RPP38: variants seen among roughly 807,000 people sequenced by gnomAD.
RPP38 encodes the protein ribonuclease P/MRP subunit p38.
In RPP38, 2 loss-of-function variants were observed where a neutral mutation model predicts 1.7. The observed-to-expected ratio is 1.18, with a 90% CI of 0.48 to 3.70. The LOEUF (loss-of-function observed/expected upper bound fraction) is 3.70, where lower values mean the gene tolerates loss of function less well. Among genes scored for constraint, RPP38 ranks in the 30% most tolerant of loss-of-function variants. The pLI is 0.07. For synonymous variants in RPP38, 151 were observed against 131.8 expected, an observed-to-expected ratio of 1.15 and a Z score of -1.00; for missense variants, 358 against 340.1, an observed-to-expected ratio of 1.05 and a Z score of -0.41.
At position 15,097,439 on chromosome 10, in the gene RPP38, A is replaced by T. The variant is rs930213944; in HGVS notation, c.-457A>T. 3.3e-5 allele frequency: 5 copies of T among 152,290 alleles called. No homozygotes were observed. Among genetic ancestry groups the T allele is most frequent in the Non-Finnish European group, 5.9e-5 (4 of 68,106 alleles). The allele number at this position is 152,290 out of a possible 1,614,324, so 9.4% of individuals were successfully genotyped here. ...GCGCGCGGGGCCCACGTAGGGCAGG[A>T]GGCCAGCCCCGGGGGGATCGGGCCC... On this transcript the variant is annotated 5_prime_UTR_variant, in exon 1 of 3. Transcript: ENST00000378197.
At chr10:15,101,908 G>T (rs148092849) in intron 1 of RPP38, among the ~76,000 whole-genome samples, 75 of 152,212 alleles carry the variant, frequency 4.9e-4, no homozygotes, top group African/African-American at 1.8e-3. Context: ...AAAAAAAAGG[G>T]AGTGTATGCC....
chr10:15,103,229 T>G, intron 2 of RPP38, 76 bp from the exon 3 acceptor site: 2 of 1,229,448 alleles, frequency 1.6e-6, no homozygotes, highest in Non-Finnish European at 2.3e-6. Context: ...AATCAGAGAG[T>G]ACAGTCAAGA....
intron 1 of RPP38, among the ~76,000 whole-genome samples, chr10:15,099,529 C>T: frequency 6.6e-6 from 1 of 150,724 alleles, no homozygotes; most frequent in African/African-American, 2.5e-5. Context: ...GGCTGGAGCA[C>T]AGTGGTGCAA....
At chr10:15,098,862 G>C (rs1845028977) in intron 1 of RPP38, among the ~76,000 whole-genome samples, 1 of 145,388 alleles carries the variant, frequency 6.9e-6, no homozygotes, top group Non-Finnish European at 1.5e-5. Flanking sequence ...CTTCAGCCTG[G>C]CGACAGAATG....
chr10:15,104,128 A>T lies in RPP38; in HGVS notation c.814A>T (p.Arg272Trp). ...ACTGATTCCAAACCCTAATAAGATA[A>T]GGAAACCACCCAAAAGTAAAAAAGC... is the stretch of plus-strand genomic sequence containing the variant. Reference protein sequence around the residue: ...KKLIPNPNKIRKPPKSKKATP... With the variant: ...KKLIPNPNKIWKPPKSKKATP... The change falls in exon 3 of 3, where the codon AGG (arginine) becomes TGG (tryptophan). Residue 272 changes from arginine to tryptophan, a missense_variant. Transcript: ENST00000378197. 1.3e-6 allele frequency: 2 copies of T among 1,576,742 alleles called. No individual in the cohort carries two copies. Among genetic ancestry groups the T allele is most frequent in the South Asian group, 2.4e-5 (2 of 84,126 alleles).
intron 1 of RPP38, among the ~76,000 whole-genome samples, chr10:15,097,989 T>C (rs1421886781): frequency 6.6e-6 from 1 of 152,140 alleles, no homozygotes; most frequent in Non-Finnish European, 1.5e-5. Context: ...GCCACCGTCA[T>C]TTCTAACCTG....
intron 1 of RPP38, among the ~76,000 whole-genome samples, chr10:15,100,489 C>A (rs1845078601): frequency 6.6e-6 from 1 of 152,050 alleles, no homozygotes; most frequent in South Asian, 2.1e-4. Context: ...TCCAGGATTG[C>A]TGTACCGAGA....
In RPP38 at chr10:15,103,893, A is replaced by G. The variant is rs1350617661; in HGVS notation, c.579A>G (p.Val193=). The change falls in exon 3 of 3, where the codon GTA becomes GTG. Residue 193 remains valine, a synonymous_variant. Coordinates refer to ENST00000378197, the MANE Select transcript of RPP38 (RefSeq NM_183005.5). ...ACACCACTGACTTTGTGGACGAAGT[A>G]AGAGCCATCATCCCCAGAGTCCCCA... ...KKNTTDFVDE[V]RAIIPRVPSL... 6.2e-7 allele frequency: 1 copy of G among 1,614,154 alleles called. No homozygotes were observed. The highest frequency in any genetic ancestry group is 8.5e-7 in the Non-Finnish European group (1 of 1,179,992).
chr10:15,099,896 C>T (rs1845063947), intron 1 of RPP38, among the ~76,000 whole-genome samples: 1 of 152,172 alleles, frequency 6.6e-6, no homozygotes, highest in Admixed American at 6.5e-5. Context: ...AAGTTCAAGG[C>T]TGCAGTGAGC....
At chr10:15,098,385 C>T (rs899821213) in intron 1 of RPP38, among the ~76,000 whole-genome samples, 4 of 151,002 alleles carry the variant, frequency 2.6e-5, no homozygotes, top group African/African-American at 4.9e-5. Context: ...CCACCACGCC[C>T]GGCTAATTTT....
chr10:15,104,058 C>T lies in RPP38; in HGVS notation c.744C>T (p.Asp248=), dbSNP rs150252368. The T allele has an allele frequency of 4.2e-5, 68 of 1,613,964 alleles. No homozygotes were observed. In the East Asian group the frequency reaches 4.2e-4, roughly 10 times the overall value. ...CAAAACCTAAGAGAAAGCTTGCTGA[C>T]GGTCGGCAGGCTTCTGTAACATTAC... is the stretch of plus-strand genomic sequence containing the variant. ...DLSKPKRKLA[D]GRQASVTLQP... is the part of the protein sequence containing the mutation. Residue 248 remains aspartate (D), a synonymous_variant, in exon 3 of 3, where the codon GAC becomes GAT. Coordinates refer to ENST00000378197, the MANE Select transcript of RPP38 (RefSeq NM_183005.5).
chr10:15,098,249 T>TTTTTTTTTTA (rs1845006381), intron 1 of RPP38, among the ~76,000 whole-genome samples: 1 of 147,950 alleles, frequency 6.8e-6, no homozygotes, highest in African/African-American at 2.5e-5. Context: ...TTTTTTTTTT[T>TTTTTTTTTTA]GAGACATAGC....
chr10:15,097,887 C>G (rs1375141307), intron 1 of RPP38, 121 bp downstream of exon 1: 1 of 152,266 alleles, frequency 6.6e-6, no homozygotes, highest in African/African-American at 2.4e-5. Context: ...AACTTTACTT[C>G]CAGCTGGTCA....
chr10:15,101,845 A>G (rs1055622631), intron 1 of RPP38, among the ~76,000 whole-genome samples: 20 of 152,136 alleles, frequency 1.3e-4, no homozygotes, highest in African/African-American at 4.8e-4. Context: ...AGCTGAGATC[A>G]TGCCATTGCA....
chr10:15,101,703 C>G (rs914841454), intron 1 of RPP38, among the ~76,000 whole-genome samples: 3 of 151,966 alleles, frequency 2.0e-5, no homozygotes, highest in Non-Finnish European at 4.4e-5. Flanking sequence ...CCCGCCTGGC[C>G]AACATGGTGA....
At chr10:15,097,827 C>T (rs933065547) in intron 1 of RPP38, 61 bp downstream of exon 1, 2 of 152,414 alleles carry the variant, frequency 1.3e-5, no homozygotes, top group African/African-American at 4.8e-5. Context: ...CGTCGCCCCT[C>T]GGCTACCGGC....
rs1181471629 is a variant in RPP38, at chr10:15,104,020, T to C, written c.706T>C (p.Phe236Leu). The change falls in exon 3 of 3, where the codon TTT becomes CTT. Residue 236 changes from phenylalanine to leucine, a missense_variant. Transcript: ENST00000378197. ...AGACAGAGAGCTTTTGGACACTTCA[T>C]TTGAAGATCTGTCAAAACCTAAGAG... ...SQDRELLDTSFEDLSKPKRKL... is the reference protein window; with the variant it reads ...SQDRELLDTSLEDLSKPKRKL... The C allele has an allele frequency of 6.2e-7, 1 of 1,614,164 alleles. No individual in the cohort carries two copies. Among genetic ancestry groups the C allele is most frequent in the South Asian group, 1.1e-5 (1 of 91,070 alleles).
In RPP38 at chr10:15,103,439, A is replaced by C; in HGVS notation, c.125A>C (p.His42Pro). ...RWSALESEDM[H>P]FILQTLEDRL... ...AGCGCTCTGGAGAGCGAGGATATGC[A>C]CTTCATCCTACAGACGCTTGAGGAC... Residue 42 changes from histidine (H) to proline (P), a missense_variant, in exon 3 of 3, where the codon CAC becomes CCC. Physicochemically the swap from His to Pro is moderately conservative, Grantham distance 77. Transcript: ENST00000378197. 1 of 1,614,240 alleles carries C rather than the reference A, an allele frequency of 6.2e-7. No individual in the cohort carries two copies. The highest frequency in any genetic ancestry group is 8.5e-7 in the Non-Finnish European group (1 of 1,180,046).
intron 1 of RPP38, among the ~76,000 whole-genome samples, chr10:15,101,468 T>A (rs934939773): frequency 6.6e-6 from 1 of 152,190 alleles, no homozygotes; most frequent in African/African-American, 2.4e-5. Context: ...ACCAATAGTT[T>A]ATAACATTTT....
Sources: gnomAD v4.1 joint callset for allele counts (sites outside exome capture counted in the v4.1 genomes callset) on GRCh38, gnomAD v4.1.1 for gene constraint, MANE v1.5 for transcripts, NCBI Gene and HGNC (gene_info 2026-07-23, HGNC 2026-07-21) for gene names.